The following CSMD3 variants were observed in gnomAD, a reference collection of about 807,000 sequenced individuals.
CSMD3 encodes CUB and sushi domain-containing protein 3.
CSMD3 carries 177 observed loss-of-function variants against 435.2 expected under a neutral mutation model. The observed-to-expected ratio is 0.41, with a 90% CI of 0.36 to 0.46. CSMD3 has a LOEUF of 0.46. Among genes scored for constraint, CSMD3 ranks in the 20% least tolerant of loss-of-function variants. CSMD3 has a pLI of 0.34. For synonymous variants in CSMD3, 1,656 were observed against 1,520.5 expected (o/e 1.09, Z -2.07); for missense variants, 4,265 against 4,504.6 (o/e 0.95, Z 1.52).
intron 13 of CSMD3, among the ~76,000 whole-genome samples, chr8:112,753,982 A>G (rs4876493): frequency 0.33 from 50,607 of 152,008 alleles, 9,289 homozygotes; most frequent in African/African-American, 0.5. Flanking sequence ...AGAAGAATGG[A>G]GCTGTGTGGC....
At chr8:112,917,100 A>T (rs1378431456) in intron 10 of CSMD3, among the ~76,000 whole-genome samples, 1 of 151,928 alleles carries the variant, frequency 6.6e-6, no homozygotes, top group Non-Finnish European at 1.5e-5. Flanking sequence ...TATTCTATCA[A>T]CAGTAATGGA....
At chr8:113,047,378 C>G (rs1023174167) in intron 5 of CSMD3, among the ~76,000 whole-genome samples, 4 of 152,154 alleles carry the variant, frequency 2.6e-5, no homozygotes, top group Admixed American at 6.5e-5. Context: ...TTGGAATAAA[C>G]TAATTCTAAT....
chr8:112,744,877 C>T lies in CSMD3; in HGVS notation c.1973-54827G>A, dbSNP rs190675701. ...ACTGGTCTGGCTAGAGAAGATGATT[C>T]GGCGGTCAAATTAAGAAGCTCCAGC... On this transcript the variant is annotated intron_variant, in intron 13 of 70. Transcript: ENST00000297405. Among the ~76,000 whole-genome samples, 197 of 152,154 alleles carry T rather than the reference C, an allele frequency of 1.3e-3. 2 individuals are homozygous for T. The highest frequency in any genetic ancestry group is 4.4e-3 in the African/African-American group (184 of 41,516).
At chr8:112,427,966 G>A (rs1813255298) in intron 32 of CSMD3, among the ~76,000 whole-genome samples, 2 of 152,124 alleles carry the variant, frequency 1.3e-5, no homozygotes, top group Admixed American at 6.6e-5. Flanking sequence ...ATATGATCAT[G>A]TCACTTCCCT....
intron 12 of CSMD3, among the ~76,000 whole-genome samples, chr8:112,807,493 TA>T (rs1318422943): frequency 3.6e-3 from 19 of 5,344 alleles, no homozygotes; most frequent in African/African-American, 6.4e-3. Context: ...TCTTGATAGG[TA>T]GGTAGGTAGG....
chr8:112,763,194 T>G (rs2077887345), intron 13 of CSMD3, among the ~76,000 whole-genome samples: 1 of 151,626 alleles, frequency 6.6e-6, no homozygotes, highest in African/African-American at 2.4e-5. Context: ...AATAAAAATC[T>G]TTGGCATCTG....
chr8:112,352,582 T>C (rs1826229776), intron 38 of CSMD3, 48 bp from the exon 39 acceptor site: 2 of 1,511,742 alleles, frequency 1.3e-6, no homozygotes, highest in Non-Finnish European at 1.8e-6. Flanking sequence ...AAGTGATAAA[T>C]GCTTAAGTTA....
intron 4 of CSMD3, among the ~76,000 whole-genome samples, chr8:113,104,279 T>G (rs535849684): frequency 9.9e-5 from 15 of 152,178 alleles, no homozygotes; most frequent in African/African-American, 3.1e-4. Context: ...TCATGGAACA[T>G]TTTTTCTACA....
intron 3 of CSMD3, among the ~76,000 whole-genome samples, chr8:113,255,394 G>A (rs2093371132): frequency 6.6e-6 from 1 of 151,956 alleles, no homozygotes; most frequent in Non-Finnish European, 1.5e-5. Flanking sequence ...AAATTAAAAG[G>A]AGCATATCTG....
intron 56 of CSMD3, among the ~76,000 whole-genome samples, chr8:112,291,085 T>C (rs908453541): frequency 2.0e-5 from 3 of 152,022 alleles, no homozygotes; most frequent in African/African-American, 7.2e-5. Flanking sequence ...GACAAATATT[T>C]AAGGTCAATA....
At chr8:113,411,757 T>A (rs1275984638) in intron 1 of CSMD3, among the ~76,000 whole-genome samples, 1 of 152,186 alleles carries the variant, frequency 6.6e-6, no homozygotes, top group Non-Finnish European at 1.5e-5. Context: ...GATATTGGGT[T>A]GCTGAACTAA....
intron 4 of CSMD3, among the ~76,000 whole-genome samples, chr8:113,141,425 CA>C (rs1345610900): frequency 1.3e-5 from 2 of 150,318 alleles, no homozygotes; most frequent in Non-Finnish European, 3.0e-5. Flanking sequence ...CATACAGATA[CA>C]AAAATTCTTT....
chr8:112,459,677 C>T (rs139193098), intron 32 of CSMD3, among the ~76,000 whole-genome samples: 1 of 152,246 alleles, frequency 6.6e-6, no homozygotes, highest in African/African-American at 2.4e-5. Flanking sequence ...TAGGTAGCCT[C>T]AGCCTAGCAA....
chr8:113,241,101 A>G (rs1003959482), intron 3 of CSMD3, among the ~76,000 whole-genome samples: 4 of 152,142 alleles, frequency 2.6e-5, no homozygotes, highest in African/African-American at 4.8e-5. Context: ...TTATTCAAGT[A>G]CTTTGTATTG....
At chr8:112,797,330 C>T (rs528019149) in intron 13 of CSMD3, among the ~76,000 whole-genome samples, 2 of 151,944 alleles carry the variant, frequency 1.3e-5, no homozygotes, top group Non-Finnish European at 2.9e-5. Context: ...ACCAGAGAAG[C>T]CCAGCTTTTA....
chr8:112,825,828 G>T (rs2079662012), intron 12 of CSMD3, among the ~76,000 whole-genome samples: 1 of 152,192 alleles, frequency 6.6e-6, no homozygotes, highest in Admixed American at 6.5e-5. Flanking sequence ...ATAGGGAACA[G>T]TTCCTGTTTA....
intron 13 of CSMD3, among the ~76,000 whole-genome samples, chr8:112,733,481 C>A (rs2077119009): frequency 6.6e-6 from 1 of 151,296 alleles, no homozygotes. Context: ...TATTTATAAA[C>A]ATAGATTGCA....
intron 32 of CSMD3, among the ~76,000 whole-genome samples, chr8:112,453,833 A>C (rs1200065031): frequency 6.6e-6 from 1 of 152,170 alleles, no homozygotes; most frequent in Non-Finnish European, 1.5e-5. Context: ...CAACAAAGCC[A>C]GAGTCATCAC....
In CSMD3 at chr8:112,309,804, GT is replaced by G. The variant is rs532054225; in HGVS notation, c.7885+1173del. Among the ~76,000 whole-genome samples the G allele has an allele frequency of 1.9e-4, 29 of 152,116 alleles. No homozygotes were observed. In the South Asian group the frequency reaches 5.4e-3, roughly 28 times the overall value. On this transcript the variant is annotated intron_variant, in intron 50 of 70. Transcript: ENST00000297405. ...TGAATTATAAATTGCACTCTAATAG[GT>G]AAAAGAAGCCATTTCAAGTGCCTGG...
Sources: allele counts gnomAD v4.1 joint callset (sites outside exome capture counted in the v4.1 genomes callset), GRCh38; gene constraint gnomAD v4.1.1; transcripts MANE v1.5; gene names NCBI Gene and HGNC (gene_info 2026-07-23, HGNC 2026-07-21).